Variants in ADGRV1 observed in about 807,000 individuals in gnomAD.
ADGRV1 encodes G-protein coupled receptor 98.
A neutral mutation model predicts 596.2 loss-of-function variants in ADGRV1; 359 were observed. The observed-to-expected ratio is 0.60, with a 90% CI of 0.55 to 0.66. The LOEUF (loss-of-function observed/expected upper bound fraction) is 0.66, where lower values mean the gene tolerates loss of function less well. ADGRV1 is among the 30% of genes least tolerant of loss of function. The probability of loss-of-function intolerance (pLI) is 0.00; values close to 1 mark genes in which losing one functional copy is unlikely to be tolerated. For missense variants in ADGRV1, 7,274 were observed against 7,575.6 expected, an observed-to-expected ratio of 0.96 and a Z score of 1.48; for synonymous variants, 2,681 against 2,679.2, an observed-to-expected ratio of 1.00 and a Z score of -0.02.
chr5:90,592,500 T>G (rs1325855826), intron 1 of ADGRV1, among the ~76,000 whole-genome samples: 1 of 152,332 alleles, frequency 6.6e-6, no homozygotes, highest in Non-Finnish European at 1.5e-5. Flanking sequence ...TGGGTTTAAT[T>G]AGATCCCATT....
intron 83 of ADGRV1, among the ~76,000 whole-genome samples, chr5:90,949,383 G>T (rs569297188): frequency 1.3e-5 from 2 of 152,200 alleles, no homozygotes; most frequent in South Asian, 4.2e-4. Flanking sequence ...AATTTTTAAG[G>T]TGATGATAAA....
At chr5:90,628,977 T>C (rs1765154718) in intron 8 of ADGRV1, 145 bp downstream of exon 8, 1 of 762,824 alleles carries the variant, frequency 1.3e-6, no homozygotes, top group Non-Finnish European at 2.0e-6. Flanking sequence ...TCTTACTCAG[T>C]ATTCCTTCTG....
Position 90,711,331 on chromosome 5 carries a change from C to CA in ADGRV1, c.9042+13dup, listed in dbSNP as rs752925833. ...ATATCTTCACCCCAATGGTGGGTCT[C>CA]AAAATCTATCACAGATGACTTTTAC... is the stretch of plus-strand genomic sequence containing the variant. On this transcript the variant is annotated intron_variant, in intron 41 of 89. Coordinates refer to ENST00000405460, the MANE Select transcript of ADGRV1 (RefSeq NM_032119.4). 1.1e-4 allele frequency: 168 copies of CA among 1,586,482 alleles called. No individual in the cohort carries two copies. The highest frequency in any genetic ancestry group is 1.4e-4 in the Non-Finnish European group (160 of 1,167,842).
intron 34 of ADGRV1, among the ~76,000 whole-genome samples, chr5:90,700,811 T>A (rs1039367135): frequency 6.6e-6 from 1 of 152,168 alleles, no homozygotes; most frequent in African/African-American, 2.4e-5. Context: ...TTTTATCCCG[T>A]TTTCTTTTTT....
intron 42 of ADGRV1, among the ~76,000 whole-genome samples, chr5:90,712,859 G>A (rs957633774): frequency 1.3e-5 from 2 of 151,988 alleles, no homozygotes; most frequent in Non-Finnish European, 2.9e-5. Flanking sequence ...TAGTATTTCC[G>A]CATAGTGTTG....
At chr5:90,889,701 A>G (rs1770630402) in intron 83 of ADGRV1, among the ~76,000 whole-genome samples, 1 of 152,084 alleles carries the variant, frequency 6.6e-6, no homozygotes, top group African/African-American at 2.4e-5. Context: ...ATTTGTTATC[A>G]ATACTCTTCC....
intron 85 of ADGRV1, among the ~76,000 whole-genome samples, chr5:91,062,278 A>G (rs1237537321): frequency 6.6e-6 from 1 of 152,178 alleles, no homozygotes; most frequent in Non-Finnish European, 1.5e-5. Flanking sequence ...ATAATGTGCA[A>G]CTGTCCCTGT....
In ADGRV1 at chr5:90,755,130, T is replaced by C; in HGVS notation, c.11525T>C (p.Ile3842Thr). 6.2e-7 allele frequency: 1 copy of C among 1,610,378 alleles called. No homozygotes were observed. Among genetic ancestry groups the C allele is most frequent in the Non-Finnish European group, 8.5e-7 (1 of 1,178,074 alleles). The part of the protein sequence containing the change: ...ENEDYVLQET[I>T]IIMKENIKEA... ...GAAGATTATGTATTGCAAGAAACAA[T>C]AATAATAATGAAAGAAAACATAAAA... The change falls in exon 55 of 90, where the codon ATA becomes ACA. Residue 3842 changes from isoleucine to threonine, a missense_variant. Transcript: ENST00000405460.
intron 29 of ADGRV1, among the ~76,000 whole-genome samples, chr5:90,687,432 CT>C (rs1353599145): frequency 5.3e-5 from 8 of 152,056 alleles, no homozygotes; most frequent in African/African-American, 1.9e-4. Context: ...CTACATATGG[CT>C]AGTCAGTTTT....
At chr5:91,084,365 C>T (rs1789675870) in intron 86 of ADGRV1, among the ~76,000 whole-genome samples, 1 of 152,070 alleles carries the variant, frequency 6.6e-6, no homozygotes, top group African/African-American at 2.4e-5. Context: ...CTACAAAGAA[C>T]TTAAACAAAT....
intron 83 of ADGRV1, among the ~76,000 whole-genome samples, chr5:90,906,041 C>T (rs751583045): frequency 2.0e-4 from 31 of 151,966 alleles, no homozygotes; most frequent in Non-Finnish European, 4.4e-4. Context: ...GATTGATTTA[C>T]CTATATTGAA....
intron 32 of ADGRV1, among the ~76,000 whole-genome samples, chr5:90,693,436 A>G (rs1746751788): frequency 6.6e-6 from 1 of 152,084 alleles, no homozygotes; most frequent in African/African-American, 2.4e-5. Context: ...TGGTTTTTAA[A>G]GTTTGTATTT....
At chr5:90,891,542 C>G (rs2150584030) in intron 83 of ADGRV1, among the ~76,000 whole-genome samples, 1 of 151,580 alleles carries the variant, frequency 6.6e-6, no homozygotes, top group South Asian at 2.1e-4. Flanking sequence ...ATAATAGGAG[C>G]AAAAAGGAGA....
At chr5:90,729,526 A>G (rs1561614075) in intron 49 of ADGRV1, 116 bp from the exon 50 acceptor site, 3 of 810,778 alleles carry the variant, frequency 3.7e-6, no homozygotes, top group Non-Finnish European at 5.7e-6. Context: ...TATTGGACTA[A>G]ATGGATTCTG....
Position 90,745,471 on chromosome 5 carries a change from G to A in ADGRV1, c.10770-120G>A, listed in dbSNP as rs74959352. On this transcript the variant is annotated intron_variant, in intron 51 of 89. Transcript: ENST00000405460. The stretch of plus-strand genomic sequence containing the variant: ...ATGAATATTTTGGATTAAAATTTTC[G>A]TTATGAAATGTTGTGATTCTTCCAA... 0.011 allele frequency: 8,253 copies of A among 776,374 alleles called. 469 individuals are homozygous for A. In the African/African-American group the frequency reaches 0.12, roughly 12 times the overall value. The allele number at this position is 776,374 out of a possible 1,614,324, so 48.1% of individuals were successfully genotyped here.
chr5:90,991,349 G>T (rs1401012688), intron 85 of ADGRV1, among the ~76,000 whole-genome samples: 1 of 152,234 alleles, frequency 6.6e-6, no homozygotes, highest in Non-Finnish European at 1.5e-5. Flanking sequence ...AGGCTTAAGT[G>T]AATTCTCTTA....
At chr5:91,121,046 C>T (rs545483335) in intron 87 of ADGRV1, among the ~76,000 whole-genome samples, 2 of 152,202 alleles carry the variant, frequency 1.3e-5, no homozygotes, top group Non-Finnish European at 2.9e-5. Flanking sequence ...TGGTAGCAGA[C>T]ACCTGTAATC....
intron 67 of ADGRV1, 127 bp downstream of exon 67, chr5:90,784,184 G>A: frequency 1.6e-6 from 1 of 638,146 alleles, no homozygotes; most frequent in Non-Finnish European, 2.6e-6. Context: ...TATCTTGTAT[G>A]TGTACAGCAG....
chr5:90,750,265 A>G (rs1332203055), intron 52 of ADGRV1, among the ~76,000 whole-genome samples: 1 of 152,238 alleles, frequency 6.6e-6, no homozygotes, highest in Non-Finnish European at 1.5e-5. Flanking sequence ...TGAATGTAAT[A>G]TATGTTCACT....
Sources: allele counts gnomAD v4.1 joint callset (sites outside exome capture counted in the v4.1 genomes callset), GRCh38; gene constraint gnomAD v4.1.1; transcripts MANE v1.5; gene names NCBI Gene and HGNC (gene_info 2026-07-23, HGNC 2026-07-21).